Variants in PMFBP1 observed in about 807,000 individuals in gnomAD.
The protein encoded by PMFBP1 is polyamine-modulated factor 1-binding protein 1.
A neutral mutation model predicts 137.8 loss-of-function variants in PMFBP1; 131 were observed. The observed-to-expected ratio is 0.95, with a 90% CI of 0.82 to 1.10. The LOEUF (loss-of-function observed/expected upper bound fraction) is 1.10, where lower values mean the gene tolerates loss of function less well. PMFBP1 is among the 50% of genes least tolerant of loss of function. The pLI, the probability that PMFBP1 is intolerant of heterozygous loss-of-function variation, is 0.00. For synonymous variants in PMFBP1, 490 were observed against 450.4 expected, an observed-to-expected ratio of 1.09 and a Z score of -1.11; for missense variants, 1,199 against 1,175.4, an observed-to-expected ratio of 1.02 and a Z score of -0.29.
Position 72,126,459 on chromosome 16 carries a change from C to T in PMFBP1, c.2089-327G>A, listed in dbSNP as rs74581506. On this transcript the variant is annotated intron_variant, in intron 14 of 20. Coordinates refer to ENST00000237353, the MANE Select transcript of PMFBP1 (RefSeq NM_031293.3). The stretch of plus-strand genomic sequence containing the variant: ...CAGCCTTTGATAAAGACCTGGAATC[C>T]GATTTGAGGTTAGTGGACATGATAA... Among the ~76,000 whole-genome samples the T allele has an allele frequency of 1.2e-3, 181 of 152,298 alleles. 5 individuals are homozygous for T. The East Asian group carries it at 0.024, about 20-fold the overall frequency.
At chr16:72,203,402 C>T in the PMFBP1 span, among the ~76,000 whole-genome samples, 1 of 152,168 alleles carries the variant, frequency 6.6e-6, no homozygotes, top group African/African-American at 2.4e-5. Flanking sequence ...CCTTCCTATA[C>T]TTTGGAGTCT....
the PMFBP1 span, among the ~76,000 whole-genome samples, chr16:72,208,054 C>T: frequency 6.6e-6 from 1 of 152,282 alleles, no homozygotes; most frequent in East Asian, 1.9e-4. Context: ...GAATTTTTGG[C>T]CTTCCACTGA....
chr16:72,160,761 A>C (rs559772217), intron 3 of PMFBP1, among the ~76,000 whole-genome samples: 2 of 152,354 alleles, frequency 1.3e-5, no homozygotes, highest in South Asian at 4.1e-4. Flanking sequence ...CCCAGAGAAT[A>C]CATTTGTATA....
At chr16:72,218,781 A>C in the PMFBP1 span, among the ~76,000 whole-genome samples, 1 of 152,186 alleles carries the variant, frequency 6.6e-6, no homozygotes, top group Non-Finnish European at 1.5e-5. Flanking sequence ...CCATGTGCAA[A>C]ATATATTCCA....
chr16:72,164,240 T>C (rs563918834), intron 3 of PMFBP1: 37 of 402,934 alleles, frequency 9.2e-5, no homozygotes, highest in Non-Finnish European at 8.5e-5. Context: ...GGGTTGCTTC[T>C]AGGGGCATTA....
the PMFBP1 span, among the ~76,000 whole-genome samples, chr16:72,204,190 AT>A: frequency 3.9e-3 from 541 of 140,088 alleles, 1 homozygote; most frequent in Middle Eastern, 0.011. Context: ...ACTCATGCGC[AT>A]TTTTTTTTTT....
the PMFBP1 span, among the ~76,000 whole-genome samples, chr16:72,192,406 G>A: frequency 1.3e-5 from 2 of 152,136 alleles, no homozygotes; most frequent in South Asian, 2.1e-4. Flanking sequence ...GCTGGTGCAC[G>A]TAGAAGGGAA....
At chr16:72,123,672 GA>G in intron 17 of PMFBP1, 23 bp from the exon 18 acceptor site, 1 of 1,605,748 alleles carries the variant, frequency 6.2e-7, no homozygotes. Context: ...AAGAAAACGA[GA>G]CAGTCAGAGG....
the PMFBP1 span, among the ~76,000 whole-genome samples, chr16:72,196,766 A>G: frequency 6.6e-6 from 1 of 152,130 alleles, no homozygotes. Context: ...ATATTGTCCA[A>G]TCTCTCGTGC....
At chr16:72,202,569 G>C in the PMFBP1 span, among the ~76,000 whole-genome samples, 6 of 152,266 alleles carry the variant, frequency 3.9e-5, no homozygotes, top group African/African-American at 1.4e-4. Context: ...CCTGTAGTGT[G>C]GTCTCTGCTG....
At position 72,124,821 on chromosome 16, in the gene PMFBP1, C is replaced by T; in HGVS notation, c.2535G>A (p.Glu845=). 1 of 1,614,230 alleles carries T rather than the reference C, an allele frequency of 6.2e-7. No homozygotes were observed. Among genetic ancestry groups the T allele is most frequent in the Non-Finnish European group, 8.5e-7 (1 of 1,180,038 alleles). ...TTAAGGCGGCCATCTCCTCCTGGAA[C>T]TCCCTGAGCTGCTCCTCTTTGGCTG... The part of the protein sequence containing the change: ...MLAAKEEQLR[E]FQEEMAALKE... The change falls in exon 17 of 21, where the codon GAG becomes GAA. Residue 845 remains glutamate, a synonymous_variant. Transcript: ENST00000237353.
chr16:72,207,720 G>GTGTGTA, the PMFBP1 span, among the ~76,000 whole-genome samples: 1 of 151,318 alleles, frequency 6.6e-6, no homozygotes, highest in African/African-American at 2.4e-5. Context: ...ATGTGTGTGT[G>GTGTGTA]TGTGTGTGTG....
chr16:72,216,743 GC>G, the PMFBP1 span, among the ~76,000 whole-genome samples: 1 of 152,100 alleles, frequency 6.6e-6, no homozygotes. Context: ...AATGACAAAG[GC>G]CCAGAGAAAC....
chr16:72,136,389 C>A, intron 9 of PMFBP1, 59 bp downstream of exon 9: 1 of 1,569,288 alleles, frequency 6.4e-7, no homozygotes, highest in East Asian at 2.2e-5. Flanking sequence ...CCGGTTAATG[C>A]CAGGACATGG....
At chr16:72,235,123 G>A in the PMFBP1 span, among the ~76,000 whole-genome samples, 3 of 152,120 alleles carry the variant, frequency 2.0e-5, no homozygotes, top group East Asian at 5.8e-4. Context: ...CTAACCCAGG[G>A]TCAGGATTTG....
At chr16:72,225,065 C>T in the PMFBP1 span, 33 of 152,274 alleles carry the variant, frequency 2.2e-4, no homozygotes, top group African/African-American at 5.5e-4. Flanking sequence ...ATGAATTTAA[C>T]GGTGAGACAC....
upstream of PMFBP1, among the ~76,000 whole-genome samples, chr16:72,178,681 G>C (rs969024487): frequency 6.6e-6 from 1 of 152,100 alleles, no homozygotes; most frequent in Non-Finnish European, 1.5e-5. Flanking sequence ...GCCAAAGGTT[G>C]GCTCCTGAGC....
rs3223525 is a variant in PMFBP1 at position 72,153,921 on chromosome 16, T to TACACAC, written c.414+284_414+289dup. Among the ~76,000 whole-genome samples the TACACAC allele has an allele frequency of 4.0e-3, 534 of 134,038 alleles. 5 individuals are homozygous for TACACAC. The highest frequency in any genetic ancestry group is 0.01 in the Middle Eastern group (3 of 286). The allele number at this position is 134,038 out of a possible 152,430, so 87.9% of individuals were successfully genotyped here. ...TAATAGAATGGAGAAGATGGACTTATACACACACACACACACACACACACA... is the reference window on the plus strand; with the variant it reads ...TAATAGAATGGAGAAGATGGACTTATACACACACACACACACACACACACACACACA... On this transcript the variant is annotated intron_variant, in intron 4 of 20. Transcript: ENST00000237353.
At chr16:72,172,033 G>A (rs940728952) in intron 1 of PMFBP1, 21 bp downstream of exon 1, 1 of 152,096 alleles carries the variant, frequency 6.6e-6, no homozygotes, top group Non-Finnish European at 1.5e-5. Context: ...AAGAATAGAG[G>A]AATTTCCACC....
Sources: gnomAD v4.1 joint callset for allele counts (sites outside exome capture counted in the v4.1 genomes callset) on GRCh38, gnomAD v4.1.1 for gene constraint, MANE v1.5 for transcripts, NCBI Gene and HGNC (gene_info 2026-07-23, HGNC 2026-07-21) for gene names.